The following PARP8 variants were observed in gnomAD, a reference collection of about 807,000 sequenced individuals.
PARP8 encodes poly(ADP-ribose) polymerase family member 8.
In PARP8, 51 loss-of-function variants were observed where a neutral mutation model predicts 124.1. The observed-to-expected ratio is 0.41, with a 90% CI of 0.33 to 0.52. The LOEUF (loss-of-function observed/expected upper bound fraction) is 0.52. PARP8 is among the 20% of genes least tolerant of loss of function. The probability of loss-of-function intolerance (pLI) is 0.21; values close to 1 mark genes in which losing one functional copy is unlikely to be tolerated. For missense variants in PARP8, 860 were observed against 1,018.9 expected, an observed-to-expected ratio of 0.84 and a Z score of 2.12; for synonymous variants, 391 against 361.5, an observed-to-expected ratio of 1.08 and a Z score of -0.93.
intron 7 of PARP8, among the ~76,000 whole-genome samples, chr5:50,770,671 GAA>G (rs1009770217): frequency 1.8e-4 from 27 of 150,872 alleles, no homozygotes; most frequent in African/African-American, 6.1e-4. Context: ...AGAAAGAAAA[GAA>G]AGAAATAACG....
intron 25 of PARP8, among the ~76,000 whole-genome samples, chr5:50,841,263 T>C (rs1235910787): frequency 2.0e-5 from 3 of 151,900 alleles, no homozygotes; most frequent in Admixed American, 6.6e-5. Context: ...TAAGAAATTC[T>C]TATTGCCCAA....
At chr5:50,744,502 A>G (rs879564711) in intron 2 of PARP8, among the ~76,000 whole-genome samples, 3 of 152,226 alleles carry the variant, frequency 2.0e-5, no homozygotes, top group Non-Finnish European at 4.4e-5. Context: ...ATGCTTTCAG[A>G]GGAAAAAGAG....
intron 14 of PARP8, among the ~76,000 whole-genome samples, chr5:50,809,362 A>G (rs1030868610): frequency 1.3e-5 from 2 of 152,112 alleles, no homozygotes; most frequent in Non-Finnish European, 2.9e-5. Context: ...ATAGGAATTT[A>G]TATTTACTCT....
At chr5:50,788,067 G>A (rs1313209811) in intron 9 of PARP8, among the ~76,000 whole-genome samples, 1 of 149,006 alleles carries the variant, frequency 6.7e-6, no homozygotes, top group African/African-American at 2.5e-5. Context: ...ATGCAAACAT[G>A]TTGTCTTTCT....
At position 50,671,135 on chromosome 5, in the gene PARP8, A is replaced by C. The variant is rs1236981348; in HGVS notation, c.146+3010A>C. 2.0e-5 allele frequency among the ~76,000 whole-genome samples: 3 copies of C among 152,208 alleles called. 1 individual carries two copies. The highest frequency in any genetic ancestry group is 4.8e-5 in the African/African-American group (2 of 41,446). On this transcript the variant is annotated intron_variant, in intron 2 of 25. Coordinates refer to ENST00000281631, the MANE Select transcript of PARP8 (RefSeq NM_024615.4). ...TGTACACAATTTGGAAGTTTAGGCA[A>C]AAGTCATTTCTTCCCTATACTTTGT...
At chr5:50,747,822 G>C (rs191679114) in intron 2 of PARP8, among the ~76,000 whole-genome samples, 2 of 122,550 alleles carry the variant, frequency 1.6e-5, no homozygotes, top group Admixed American at 1.1e-4. Context: ...GCCCAGGCTA[G>C]AGTGCAGTGG....
At chr5:50,684,367 G>A (rs535988242) in intron 2 of PARP8, among the ~76,000 whole-genome samples, 1 of 152,126 alleles carries the variant, frequency 6.6e-6, no homozygotes, top group African/African-American at 2.4e-5. Context: ...TGATCTTAGG[G>A]GGGCTGATTA....
chr5:50,811,049 C>T (rs1186289198), intron 14 of PARP8, among the ~76,000 whole-genome samples: 3 of 151,992 alleles, frequency 2.0e-5, no homozygotes, highest in Non-Finnish European at 2.9e-5. Flanking sequence ...TGATTTCTGT[C>T]TGATTTCCTT....
intron 2 of PARP8, among the ~76,000 whole-genome samples, chr5:50,701,700 A>G (rs1295326507): frequency 6.6e-6 from 1 of 152,170 alleles, no homozygotes; most frequent in Non-Finnish European, 1.5e-5. Flanking sequence ...TAATATATCC[A>G]AAATAAACTA....
intron 3 of PARP8, chr5:50,757,351 CAG>C: frequency 3.2e-6 from 1 of 316,740 alleles, no homozygotes; most frequent in Admixed American, 3.9e-5. Context: ...GCTTTGAATT[CAG>C]AGTGAAGTGA....
intron 2 of PARP8, among the ~76,000 whole-genome samples, chr5:50,677,253 A>G (rs1258535015): frequency 1.3e-5 from 2 of 151,540 alleles, no homozygotes; most frequent in Non-Finnish European, 2.9e-5. Flanking sequence ...AATCTGCTCC[A>G]TGGATATAAG....
At chr5:50,759,788 TTTTG>T (rs528102018) in intron 4 of PARP8, 56 bp downstream of exon 4, 316 of 1,493,706 alleles carry the variant, frequency 2.1e-4, no homozygotes, top group Admixed American at 2.5e-4. Flanking sequence ...CATTATCTTT[TTTTG>T]TTTGTTTGTT....
chr5:50,730,213 G>C (rs1471313382), intron 2 of PARP8, among the ~76,000 whole-genome samples: 1 of 151,880 alleles, frequency 6.6e-6, no homozygotes, highest in African/African-American at 2.4e-5. Context: ...AATTTTTTTA[G>C]TTAATCTGTA....
intron 2 of PARP8, among the ~76,000 whole-genome samples, chr5:50,740,231 G>C (rs1757912018): frequency 6.6e-6 from 1 of 152,160 alleles, no homozygotes; most frequent in South Asian, 2.1e-4. Context: ...TACAAACTGT[G>C]TAACTGCTCC....
At chr5:50,716,425 G>T (rs1241593703) in intron 2 of PARP8, among the ~76,000 whole-genome samples, 1 of 152,092 alleles carries the variant, frequency 6.6e-6, no homozygotes, top group South Asian at 2.1e-4. Context: ...GGCTTTATAG[G>T]CAGAAAAGGA....
Position 50,795,156 on chromosome 5 carries a change from T to C in PARP8, c.1167T>C (p.Cys389=). The C allele has an allele frequency of 1.9e-6, 3 of 1,614,212 alleles. No homozygotes were observed. In the South Asian group the frequency reaches 3.3e-5, roughly 18 times the overall value. Residue 389 remains cysteine, a synonymous_variant, in exon 12 of 26, where the codon TGT becomes TGC. Transcript: ENST00000281631. ...CGCATAGACTATTGACTCGATCTTG[T>C]TCTGGAGATCCACGATGTGAGCACA... ...LKSHRLLTRS[C]SGDPRCEHNT... is the part of the protein sequence containing the mutation.
Position 50,761,902 on chromosome 5 carries a change from A to G in PARP8, c.423+4A>G, listed in dbSNP as rs745385892. ...AGAATTTTATTACGGAGGGCAGGTA[A>G]GGAAACCTGGTCTTCCAAATACCTA... On this transcript the variant is annotated splice_donor_region_variant and intron_variant, in intron 6 of 25. Transcript: ENST00000281631. 11 of 1,573,834 alleles carry G rather than the reference A, an allele frequency of 7.0e-6. No individual in the cohort carries two copies. Among genetic ancestry groups the G allele is most frequent in the Non-Finnish European group, 9.6e-6 (11 of 1,147,924 alleles).
intron 2 of PARP8, among the ~76,000 whole-genome samples, chr5:50,702,860 A>G (rs1244922017): frequency 6.6e-6 from 1 of 152,156 alleles, no homozygotes; most frequent in Non-Finnish European, 1.5e-5. Context: ...TAATTCTCCT[A>G]TCGTTCCTTA....
chr5:50,791,043 T>A (rs185353614), intron 10 of PARP8, among the ~76,000 whole-genome samples: 2 of 152,304 alleles, frequency 1.3e-5, no homozygotes, highest in East Asian at 3.9e-4. Flanking sequence ...ATAAAGAGGT[T>A]ATTTTCTTAG....
Sources: allele counts gnomAD v4.1 joint callset (sites outside exome capture counted in the v4.1 genomes callset), GRCh38; gene constraint gnomAD v4.1.1; transcripts MANE v1.5; gene names NCBI Gene and HGNC (gene_info 2026-07-23, HGNC 2026-07-21).